Variants in LRRC37A2 observed in about 807,000 individuals in gnomAD.
LRRC37A2 encodes leucine-rich repeat-containing protein 37A2.
In LRRC37A2, 9 loss-of-function variants were observed where a neutral mutation model predicts 68.8. That is an observed-to-expected ratio of 0.13 (90% CI 0.08 to 0.23). The LOEUF (loss-of-function observed/expected upper bound fraction) is 0.23, where lower values mean the gene tolerates loss of function less well. Ranked by LOEUF, LRRC37A2 falls within the 10% of genes least tolerant of loss-of-function variation. The probability of loss-of-function intolerance (pLI) is 1.00; values close to 1 mark genes in which losing one functional copy is unlikely to be tolerated. For missense variants in LRRC37A2, 168 were observed against 950.4 expected, an observed-to-expected ratio of 0.18 and a Z score of 10.82; for synonymous variants, 63 against 367.6, an observed-to-expected ratio of 0.17 and a Z score of 9.48.
At chr17:46,926,387 G>A in the LRRC37A2 span, among the ~76,000 whole-genome samples, 1 of 152,114 alleles carries the variant, frequency 6.6e-6, no homozygotes, top group Admixed American at 6.5e-5. Flanking sequence ...GGGGCGGTGA[G>A]TAGTTTCATG....
At chr17:46,717,047 G>A in the LRRC37A2 span, among the ~76,000 whole-genome samples, 5 of 152,116 alleles carry the variant, frequency 3.3e-5, no homozygotes, top group African/African-American at 1.2e-4. Context: ...ATACTCCCAA[G>A]TTCATTGCAG....
chr17:46,940,518 T>C, the LRRC37A2 span: 2 of 1,613,880 alleles, frequency 1.2e-6, no homozygotes, highest in Non-Finnish European at 8.5e-7. Context: ...TAAAATGGAT[T>C]CTGAGACTGC....
At chr17:46,975,748 G>A in the LRRC37A2 span, among the ~76,000 whole-genome samples, 2 of 152,154 alleles carry the variant, frequency 1.3e-5, no homozygotes, top group Admixed American at 6.5e-5. Flanking sequence ...CCAAACACAC[G>A]TTAGTACACA....
chr17:47,030,034 G>A, the LRRC37A2 span, among the ~76,000 whole-genome samples: 1 of 149,980 alleles, frequency 6.7e-6, no homozygotes, highest in Admixed American at 6.6e-5. Flanking sequence ...TTGCACTCCA[G>A]CTTGAGGGAC....
the LRRC37A2 span, among the ~76,000 whole-genome samples, chr17:46,739,284 T>A: frequency 6.8e-6 from 1 of 146,182 alleles, no homozygotes; most frequent in African/African-American, 2.6e-5. Context: ...GGCAGGAGAA[T>A]CGCTTGAACC....
the LRRC37A2 span, among the ~76,000 whole-genome samples, chr17:46,754,436 C>G: frequency 6.6e-6 from 1 of 152,250 alleles, no homozygotes; most frequent in East Asian, 1.9e-4. Context: ...TCCTGGAGGG[C>G]AGGGAGTTCC....
At chr17:46,828,711 A>T in the LRRC37A2 span, among the ~76,000 whole-genome samples, 1 of 151,258 alleles carries the variant, frequency 6.6e-6, no homozygotes, top group Non-Finnish European at 1.5e-5. Context: ...TATTTCCAGC[A>T]CTTTGGGAGG....
the LRRC37A2 span, among the ~76,000 whole-genome samples, chr17:47,002,783 T>G: frequency 6.6e-6 from 1 of 152,044 alleles, no homozygotes; most frequent in Admixed American, 6.6e-5. Flanking sequence ...CTTTTTTTTT[T>G]GTACCCATTA....
At chr17:46,896,988 C>G in the LRRC37A2 span, among the ~76,000 whole-genome samples, 1 of 152,190 alleles carries the variant, frequency 6.6e-6, no homozygotes, top group Non-Finnish European at 1.5e-5. Context: ...GACTGTGACT[C>G]TCCCACGTTC....
At chr17:47,043,477 C>T in the LRRC37A2 span, among the ~76,000 whole-genome samples, 122 of 146,074 alleles carry the variant, frequency 8.4e-4, no homozygotes, top group African/African-American at 2.9e-3. Flanking sequence ...CCAGCCCGGG[C>T]GACAGAGTGA....
At chr17:46,723,440 T>C in the LRRC37A2 span, among the ~76,000 whole-genome samples, 1 of 152,250 alleles carries the variant, frequency 6.6e-6, no homozygotes, top group Admixed American at 6.5e-5. Flanking sequence ...GTAGAACTGC[T>C]TCTGAGCTTT....
the LRRC37A2 span, chr17:46,979,234 G>A: frequency 2.4e-6 from 1 of 415,404 alleles, no homozygotes; most frequent in Non-Finnish European, 4.3e-6. Flanking sequence ...CGCAGGAGCT[G>A]GAGCCGGAGA....
the LRRC37A2 span, among the ~76,000 whole-genome samples, chr17:46,896,426 G>GAA: frequency 9.1e-5 from 8 of 88,192 alleles, no homozygotes; most frequent in African/African-American, 6.6e-4. Flanking sequence ...AAGAAAGAAA[G>GAA]AAAGAAAGAA....
chr17:46,489,473 T>TTTTG, the LRRC37A2 span, among the ~76,000 whole-genome samples: 193 of 143,388 alleles, frequency 1.3e-3, 2 homozygotes, highest in African/African-American at 2.4e-3. Flanking sequence ...CTTGTTTGTT[T>TTTTG]TTTGTTTGTT....
In LRRC37A2 at chr17:46,541,615, C is replaced by T. The variant is rs573277940; in HGVS notation, c.3053+734C>T. Among the ~76,000 whole-genome samples the T allele has an allele frequency of 2.0e-3, 301 of 150,840 alleles. 2 individuals are homozygous for T. The highest frequency in any genetic ancestry group is 7.2e-3 in the African/African-American group (291 of 40,216). ...CATGTTGTTGCACCTATCACTACAG[C>T]TGGCCCTCCATATCTGCAGGTTCCT... On this transcript the variant is annotated intron_variant, in intron 8 of 14. Transcript: ENST00000576629.
At chr17:46,420,880 A>G in the LRRC37A2 span, among the ~76,000 whole-genome samples, 1 of 24,310 alleles carries the variant, frequency 4.1e-5, no homozygotes. Context: ...GCTCACTGCA[A>G]CCTCCGCTTT....
At chr17:46,493,331 T>TTG in the LRRC37A2 span, among the ~76,000 whole-genome samples, 1 of 128,320 alleles carries the variant, frequency 7.8e-6, no homozygotes, top group Non-Finnish European at 1.6e-5. Context: ...GGCTAGTTTT[T>TTG]TTTTTTTTTT....
At chr17:46,806,679 A>C in the LRRC37A2 span, among the ~76,000 whole-genome samples, 9 of 152,242 alleles carry the variant, frequency 5.9e-5, no homozygotes, top group African/African-American at 1.9e-4. Context: ...ACCCAGCCTG[A>C]GGCTAGACAT....
the LRRC37A2 span, among the ~76,000 whole-genome samples, chr17:46,947,402 G>T: frequency 6.6e-6 from 1 of 152,188 alleles, no homozygotes; most frequent in African/African-American, 2.4e-5. Flanking sequence ...CCAGGCGGAG[G>T]CAGGGCAGAG....
Sources: gnomAD v4.1 joint callset for allele counts (sites outside exome capture counted in the v4.1 genomes callset) on GRCh38, gnomAD v4.1.1 for gene constraint, MANE v1.5 for transcripts, NCBI Gene and HGNC (gene_info 2026-07-23, HGNC 2026-07-21) for gene names.